Variants in MYO16 observed in about 807,000 individuals in gnomAD.
MYO16 encodes the protein unconventional myosin-XVI.
MYO16 carries 94 observed loss-of-function variants against 205.3 expected under a neutral mutation model. That is an observed-to-expected ratio of 0.46 (90% CI 0.39 to 0.54). The LOEUF (loss-of-function observed/expected upper bound fraction) is 0.54, where lower values mean the gene tolerates loss of function less well. MYO16 is among the 20% of genes least tolerant of loss of function. The pLI is 0.00. For missense variants in MYO16, 2,315 were observed against 2,387.5 expected (o/e 0.97, Z 0.63); for synonymous variants, 988 against 954.0 (o/e 1.04, Z -0.66).
chr13:108,872,791 C>T lies in MYO16; in HGVS notation c.1425+6549C>T, dbSNP rs915776853. On this transcript the variant is annotated intron_variant, in intron 12 of 34. Transcript: ENST00000457511. ...ATAAAATAAAAATGGAAAATAAATACAAAAAATATATCAGGTAAAAGATGC... is the reference window on the plus strand; with the variant it reads ...ATAAAATAAAAATGGAAAATAAATATAAAAAATATATCAGGTAAAAGATGC... Among the ~76,000 whole-genome samples, 8 of 151,976 alleles carry T rather than the reference C, an allele frequency of 5.3e-5. No individual in the cohort carries two copies. The South Asian group carries it at 1.7e-3, about 32-fold the overall frequency.
chr13:108,897,091 CA>C (rs1292797670), intron 14 of MYO16, among the ~76,000 whole-genome samples: 1 of 152,018 alleles, frequency 6.6e-6, no homozygotes, highest in African/African-American at 2.4e-5. Flanking sequence ...CTATTAGAAA[CA>C]CTAGGGAACA....
Position 109,140,158 on chromosome 13 carries a change from A to C in MYO16, c.4052-106A>C. On this transcript the variant is annotated intron_variant, in intron 31 of 34. Coordinates refer to ENST00000457511, the MANE Select transcript of MYO16 (RefSeq NM_001198950.3). The surrounding 1 kb of genome is among the most constrained non-coding windows in gnomAD (Gnocchi z 8.0). Reference sequence around the variant, plus strand: ...GAACATGCAGGCCCGGTCCCTTGGGATTCTCGGGGCACGGGGCCGTGGCTC... The same window carrying C: ...GAACATGCAGGCCCGGTCCCTTGGGCTTCTCGGGGCACGGGGCCGTGGCTC... The C allele has an allele frequency of 6.6e-7, 1 of 1,505,710 alleles. No homozygotes were observed. Among genetic ancestry groups the C allele is most frequent in the Admixed American group, 2.2e-5 (1 of 46,428 alleles). 93.3% of individuals were successfully genotyped at this position (1,505,710 alleles called of 1,614,324 possible).
intron 16 of MYO16, among the ~76,000 whole-genome samples, chr13:108,942,638 CT>C (rs1433598461): frequency 3.3e-5 from 5 of 152,114 alleles, no homozygotes; most frequent in African/African-American, 1.2e-4. Flanking sequence ...GTAATTTCGT[CT>C]TTACAGATCT....
chr13:109,150,168 AAGAC>A (rs1877574677), intron 32 of MYO16, among the ~76,000 whole-genome samples: 1 of 152,206 alleles, frequency 6.6e-6, no homozygotes, highest in African/African-American at 2.4e-5. Flanking sequence ...GAACAGGGGA[AAGAC>A]AGACAATCAA....
At chr13:108,892,683 T>C (rs562691316) in intron 14 of MYO16, among the ~76,000 whole-genome samples, 192 of 152,290 alleles carry the variant, frequency 1.3e-3, no homozygotes, top group Admixed American at 3.5e-3. Flanking sequence ...TAGCCTCAAG[T>C]TAACTAACGG....
At chr13:108,740,216 T>A (rs905337235) in intron 4 of MYO16, among the ~76,000 whole-genome samples, 1 of 148,744 alleles carries the variant, frequency 6.7e-6, no homozygotes, top group African/African-American at 2.5e-5. Flanking sequence ...GGTGCTCTGA[T>A]TTGTAGAATT....
the MYO16 span, among the ~76,000 whole-genome samples, chr13:108,526,121 A>G: frequency 4.6e-5 from 7 of 152,254 alleles, no homozygotes; most frequent in Admixed American, 1.3e-4. Context: ...CAGATACTCT[A>G]TTCTTTTTCT....
chr13:109,115,158 C>T (rs1325168793), intron 28 of MYO16, among the ~76,000 whole-genome samples: 1 of 145,384 alleles, frequency 6.9e-6, no homozygotes, highest in African/African-American at 2.5e-5. Context: ...CTTGAAGTCT[C>T]TACTAACACA....
chr13:109,091,391 C>T (rs1278187790), intron 27 of MYO16, among the ~76,000 whole-genome samples: 1 of 152,170 alleles, frequency 6.6e-6, no homozygotes, highest in Non-Finnish European at 1.5e-5. Context: ...TTTTCCCTTG[C>T]CTCTGAAAAA....
At chr13:109,193,057 A>G (rs1163315309) in intron 34 of MYO16, among the ~76,000 whole-genome samples, 1 of 152,194 alleles carries the variant, frequency 6.6e-6, no homozygotes, top group Non-Finnish European at 1.5e-5. Flanking sequence ...GCTATAGTAC[A>G]AAATAATGAT....
intron 1 of MYO16, among the ~76,000 whole-genome samples, chr13:108,649,520 G>A (rs1880905586): frequency 1.3e-5 from 2 of 152,140 alleles, no homozygotes; most frequent in African/African-American, 4.8e-5. Flanking sequence ...TCTGTATAAT[G>A]GAGTAGCAGG....
At chr13:109,073,204 C>T (rs12866165) in intron 27 of MYO16, among the ~76,000 whole-genome samples, 12,757 of 151,352 alleles carry the variant, frequency 0.084, 582 homozygotes, top group African/African-American at 0.11. Flanking sequence ...TGGGTTCAAG[C>T]GATTCTCCTG....
chr13:109,180,489 A>G (rs1488216943), intron 34 of MYO16, among the ~76,000 whole-genome samples: 1 of 152,226 alleles, frequency 6.6e-6, no homozygotes, highest in Non-Finnish European at 1.5e-5. Flanking sequence ...GTTACAGCAC[A>G]ATTTTTATGT....
chr13:108,899,190 G>A (rs563639179), intron 15 of MYO16, among the ~76,000 whole-genome samples: 32 of 152,284 alleles, frequency 2.1e-4, no homozygotes, highest in Non-Finnish European at 3.4e-4. Context: ...TTGGGAGGCC[G>A]AGGCGGGTGG....
chr13:108,941,777 G>C lies in MYO16; in HGVS notation c.1926-15911G>C, dbSNP rs144906014. Among the ~76,000 whole-genome samples the C allele has an allele frequency of 9.4e-3, 1,410 of 149,240 alleles. 15 individuals are homozygous for C. Among genetic ancestry groups the C allele is most frequent in the Admixed American group, 0.017 (249 of 14,982 alleles). ...CCATTTTCTCATTTGTTTTCTTAAA[G>C]AGTTTTCCTGAAACATTGATTCAAA... is the stretch of plus-strand genomic sequence containing the variant. On this transcript the variant is annotated intron_variant, in intron 16 of 34. Coordinates refer to ENST00000457511, the MANE Select transcript of MYO16 (RefSeq NM_001198950.3).
intron 32 of MYO16, chr13:109,163,949 A>G (rs1878517527): frequency 6.6e-6 from 1 of 152,210 alleles, no homozygotes; most frequent in Non-Finnish European, 1.5e-5. Flanking sequence ...GAAAAGCCTA[A>G]CTTTAAGACA....
At chr13:108,872,443 G>A (rs1203183623) in intron 12 of MYO16, among the ~76,000 whole-genome samples, 2 of 151,832 alleles carry the variant, frequency 1.3e-5, no homozygotes, top group African/African-American at 4.8e-5. Flanking sequence ...GTAGTATTAG[G>A]GCTTCAGATA....
intron 15 of MYO16, among the ~76,000 whole-genome samples, chr13:108,904,684 ACTTT>A (rs1296868768): frequency 1.3e-5 from 2 of 152,052 alleles, no homozygotes; most frequent in East Asian, 3.9e-4. Context: ...GGGGAAATAA[ACTTT>A]CTTCTCCTTC....
the MYO16 span, among the ~76,000 whole-genome samples, chr13:108,557,715 A>G: frequency 6.6e-6 from 1 of 152,208 alleles, no homozygotes; most frequent in Non-Finnish European, 1.5e-5. Flanking sequence ...GAAAACTTTT[A>G]ATTATATAAA....
Sources: allele counts gnomAD v4.1 joint callset (sites outside exome capture counted in the v4.1 genomes callset), GRCh38; gene constraint gnomAD v4.1.1; non-coding constraint Gnocchi (gnomAD v3.1); transcripts MANE v1.5; gene names NCBI Gene and HGNC (gene_info 2026-07-23, HGNC 2026-07-21).